The following TTC12 variants were observed in gnomAD, a reference collection of about 807,000 sequenced individuals.
TTC12 encodes the protein tetratricopeptide repeat protein 12.
TTC12 carries 70 observed loss-of-function variants against 90.1 expected under a neutral mutation model. The observed-to-expected ratio is 0.78, with a 90% CI of 0.64 to 0.95. The LOEUF (loss-of-function observed/expected upper bound fraction) is 0.95, where lower values mean the gene tolerates loss of function less well. Ranked by LOEUF, TTC12 falls within the 40% of genes least tolerant of loss-of-function variation. TTC12 has a pLI of 0.00. For synonymous variants in TTC12, 296 were observed against 311.5 expected (o/e 0.95, Z 0.53); for missense variants, 819 against 846.1 (o/e 0.97, Z 0.40).
chr11:113,353,970 T>A (rs1332968076), intron 16 of TTC12, among the ~76,000 whole-genome samples: 10 of 152,204 alleles, frequency 6.6e-5, no homozygotes, highest in Non-Finnish European at 1.0e-4. Flanking sequence ...CATACGAATT[T>A]TAAAATAGTT....
chr11:113,327,794 A>G (rs1457952803), intron 6 of TTC12, among the ~76,000 whole-genome samples: 2 of 152,204 alleles, frequency 1.3e-5, no homozygotes, highest in Non-Finnish European at 2.9e-5. Context: ...CTAATTTTCA[A>G]ATGAAACCTG....
At chr11:113,344,236 G>A in intron 12 of TTC12, 36 bp from the exon 13 acceptor site, 2 of 1,582,712 alleles carry the variant, frequency 1.3e-6, no homozygotes, top group Non-Finnish European at 1.7e-6. Flanking sequence ...TTGCCATGAT[G>A]GCATGCACAA....
At position 113,364,103 on chromosome 11, in the gene TTC12, T is replaced by G. The variant is rs189440020; in HGVS notation, c.1816+176T>G. 6.6e-5 allele frequency among the ~76,000 whole-genome samples: 10 copies of G among 152,324 alleles called. No homozygotes were observed. The East Asian group carries it at 1.9e-3, about 29-fold the overall frequency. ...CAGATCTGAAAGCATTTAATTAACC[T>G]TTTGGATGCACACAGGTAGAATGCC... On this transcript the variant is annotated intron_variant, in intron 20 of 21. Coordinates refer to ENST00000529221, the MANE Select transcript of TTC12 (RefSeq NM_017868.4).
intron 13 of TTC12, among the ~76,000 whole-genome samples, chr11:113,344,805 T>C (rs1948861041): frequency 1.3e-5 from 2 of 152,232 alleles, no homozygotes; most frequent in African/African-American, 4.8e-5. Context: ...TTCATTCTTA[T>C]TTGAGGTAAT....
At chr11:113,322,601 T>G (rs1370406379) in intron 2 of TTC12, among the ~76,000 whole-genome samples, 1 of 152,178 alleles carries the variant, frequency 6.6e-6, no homozygotes, top group Non-Finnish European at 1.5e-5. Context: ...TTGCCCAGGA[T>G]AACAAGGATT....
chr11:113,324,542 C>A, intron 4 of TTC12, 63 bp from the exon 5 acceptor site: 1 of 1,408,646 alleles, frequency 7.1e-7, no homozygotes, highest in Non-Finnish European at 9.9e-7. Context: ...CGAATTTGAG[C>A]TAAAGAACTG....
chr11:113,349,829 T>C (rs1555149385), intron 13 of TTC12, among the ~76,000 whole-genome samples: 2 of 152,196 alleles, frequency 1.3e-5, no homozygotes, highest in African/African-American at 4.8e-5. Flanking sequence ...CGATAATCAA[T>C]AAACTTTGGT....
At position 113,316,268 on chromosome 11, in the gene TTC12, A is replaced by T; in HGVS notation, c.11A>T (p.Asp4Val). Residue 4 changes from aspartate (D) to valine (V), a missense_variant, in exon 2 of 22, where the codon GAT (aspartate) becomes GTT (valine). Transcript: ENST00000529221. ...GGATTCCGGTTCACAATGGATGCTG[A>T]TAAAGAGAAAGATTTGCAGAAATTT... MDA[D>V]KEKDLQKFLK... 1 of 1,471,412 alleles carries T rather than the reference A, an allele frequency of 6.8e-7. No homozygotes were observed. Among genetic ancestry groups the T allele is most frequent in the Non-Finnish European group, 9.0e-7 (1 of 1,109,160 alleles). The allele number at this position is 1,471,412 out of a possible 1,614,324, so 91.1% of individuals were successfully genotyped here. A position where few individuals can be genotyped will look rare whatever the true frequency, so the allele number is the denominator to read the frequency against.
chr11:113,367,327 G>A (rs1360339871), downstream of TTC12, among the ~76,000 whole-genome samples: 1 of 152,192 alleles, frequency 6.6e-6, no homozygotes, highest in African/African-American at 2.4e-5. Flanking sequence ...ACCTCTCTGA[G>A]CTTTGGCTAC....
rs750725157 is a variant in TTC12 at position 113,366,317 on chromosome 11, G to T, written c.*17G>T. 6.4e-5 allele frequency: 103 copies of T among 1,612,858 alleles called. No individual in the cohort carries two copies. The highest frequency in any genetic ancestry group is 8.2e-5 in the Non-Finnish European group (97 of 1,180,022). ...GATTCTTGAGAGAGACAGGGTTTGT[G>T]TGCATTTGGGGAACACACAGATGCA... On this transcript the variant is annotated 3_prime_UTR_variant, in exon 22 of 22. Coordinates refer to ENST00000529221, the MANE Select transcript of TTC12 (RefSeq NM_017868.4).
downstream of TTC12, chr11:113,366,476 T>G (rs1950220509): frequency 2.6e-6 from 3 of 1,154,678 alleles, no homozygotes; most frequent in Admixed American, 7.4e-5. Flanking sequence ...GCTGCTGTGG[T>G]GGGCTCTGTG....
At chr11:113,350,451 TCCTC>T (rs1293846255) in intron 14 of TTC12, among the ~76,000 whole-genome samples, 1 of 152,096 alleles carries the variant, frequency 6.6e-6, no homozygotes, top group Non-Finnish European at 1.5e-5. Context: ...TCAGGAACCT[TCCTC>T]CCTCCTAATC....
chr11:113,315,658 G>T (rs544128823), intron 1 of TTC12, among the ~76,000 whole-genome samples: 1 of 152,164 alleles, frequency 6.6e-6, no homozygotes, highest in Non-Finnish European at 1.5e-5. Flanking sequence ...AAAAACAACT[G>T]TAAAATAATA....
At position 113,323,405 on chromosome 11, in the gene TTC12, C is replaced by T. The variant is rs151257967; in HGVS notation, c.176C>T (p.Thr59Ile). Residue 59 changes from threonine to isoleucine, a missense_variant, in exon 3 of 22, where the codon ACC becomes ATC. By Grantham distance (89) the Thr-to-Ile change is moderately conservative. Coordinates refer to ENST00000529221, the MANE Select transcript of TTC12 (RefSeq NM_017868.4). ...GACCAGGAGGAGGATGAATGCAGGA[C>T]CACCTTGAACAAGACTATGATCAGT... is the stretch of plus-strand genomic sequence containing the variant. Reference protein sequence around the residue: ...EEDQEEDECRTTLNKTMISPP... With the variant: ...EEDQEEDECRITLNKTMISPP... The T allele has an allele frequency of 1.2e-6, 2 of 1,612,218 alleles. No individual in the cohort carries two copies. The highest frequency in any genetic ancestry group is 2.7e-5 in the African/African-American group (2 of 74,780).
intron 6 of TTC12, among the ~76,000 whole-genome samples, chr11:113,328,185 A>G (rs1947810495): frequency 6.6e-6 from 1 of 152,196 alleles, no homozygotes; most frequent in African/African-American, 2.4e-5. Flanking sequence ...GTGCTTGGCT[A>G]TCCTTTCGTA....
At chr11:113,326,545 G>A (rs1947706950) in intron 6 of TTC12, among the ~76,000 whole-genome samples, 1 of 152,188 alleles carries the variant, frequency 6.6e-6, no homozygotes, top group Admixed American at 6.5e-5. Context: ...GCTCTGGGAT[G>A]TTGAGGAAGA....
chr11:113,346,661 T>C (rs1204051744), intron 13 of TTC12, among the ~76,000 whole-genome samples: 2 of 149,368 alleles, frequency 1.3e-5, no homozygotes, highest in Non-Finnish European at 3.0e-5. Flanking sequence ...GGAAAAAAAA[T>C]GGTCCCAACT....
intron 10 of TTC12, 29 bp from the exon 11 acceptor site, chr11:113,340,635 T>A: frequency 6.3e-7 from 1 of 1,595,776 alleles, no homozygotes; most frequent in Non-Finnish European, 8.6e-7. Flanking sequence ...TTTGGGAGTC[T>A]GAAGTGGTTT....
At chr11:113,336,557 GTA>G (rs1948379973) in intron 8 of TTC12, among the ~76,000 whole-genome samples, 1 of 152,028 alleles carries the variant, frequency 6.6e-6, no homozygotes, top group Non-Finnish European at 1.5e-5. Flanking sequence ...TTCATTTTTT[GTA>G]TGATGTGAGG....
Sources: gnomAD v4.1 joint callset for allele counts (sites outside exome capture counted in the v4.1 genomes callset) on GRCh38, gnomAD v4.1.1 for gene constraint, MANE v1.5 for transcripts, NCBI Gene and HGNC (gene_info 2026-07-23, HGNC 2026-07-21) for gene names.